The following UVRAG variants were observed in gnomAD, a reference collection of about 807,000 sequenced individuals.
The protein encoded by UVRAG is UV radiation resistance associated.
A neutral mutation model predicts 78.0 loss-of-function variants in UVRAG; 19 were observed. The ratio of observed to expected loss-of-function variants is 0.24; its 90% CI spans 0.17 to 0.36. The LOEUF is 0.36. Ranked by LOEUF, UVRAG falls within the 10% of genes least tolerant of loss-of-function variation. The pLI, the probability that UVRAG is intolerant of heterozygous loss-of-function variation, is 1.00. For synonymous variants in UVRAG, 323 were observed against 324.6 expected (o/e 1.00, Z 0.05); for missense variants, 740 against 853.8 (o/e 0.87, Z 1.66).
chr11:75,961,605 A>G, intron 7 of UVRAG, 56 bp downstream of exon 7: 17 of 1,371,828 alleles, frequency 1.2e-5, no homozygotes, highest in Non-Finnish European at 1.7e-5. Flanking sequence ...GGAGAGTATC[A>G]TATTCTTCTA....
At chr11:76,085,358 G>A (rs577238773) in intron 13 of UVRAG, among the ~76,000 whole-genome samples, 1 of 152,122 alleles carries the variant, frequency 6.6e-6, no homozygotes, top group East Asian at 1.9e-4. Context: ...ATTGTGCTGG[G>A]ATTGTCTGTG....
At chr11:75,869,994 G>A (rs551144536) in intron 3 of UVRAG, among the ~76,000 whole-genome samples, 1 of 152,276 alleles carries the variant, frequency 6.6e-6, no homozygotes, top group South Asian at 2.1e-4. Context: ...CAGTGAATGT[G>A]GTGGTACAGG....
At chr11:75,947,144 T>A (rs1948601441) in intron 6 of UVRAG, among the ~76,000 whole-genome samples, 1 of 152,116 alleles carries the variant, frequency 6.6e-6, no homozygotes, top group Non-Finnish European at 1.5e-5. Context: ...CCAAATATAG[T>A]CACATTAAGG....
intron 12 of UVRAG, among the ~76,000 whole-genome samples, chr11:76,042,080 G>T (rs1168259190): frequency 6.6e-6 from 1 of 152,144 alleles, no homozygotes; most frequent in Non-Finnish European, 1.5e-5. Context: ...AGAGAAACTT[G>T]CTCAAAGGAG....
chr11:75,928,860 T>C lies in UVRAG; in HGVS notation c.593+16821T>C, dbSNP rs1591028792. Among the ~76,000 whole-genome samples the C allele has an allele frequency of 2.3e-5, 3 of 131,242 alleles. No homozygotes were observed. The South Asian group carries it at 7.3e-4, about 32-fold the overall frequency. 86.1% of individuals were successfully genotyped at this position (131,242 alleles called of 152,430 possible). A position where few individuals can be genotyped will look rare whatever the true frequency, so the allele number is the denominator to read the frequency against. On this transcript the variant is annotated intron_variant, in intron 6 of 14. Coordinates refer to ENST00000356136, the MANE Select transcript of UVRAG (RefSeq NM_003369.4). ...GGGAGGCTGAGGCAGGAGAATGACGTGAACCCGGGAAGCAGAGCTTGCAGT... is the reference window on the plus strand; with the variant it reads ...GGGAGGCTGAGGCAGGAGAATGACGCGAACCCGGGAAGCAGAGCTTGCAGT...
intron 9 of UVRAG, among the ~76,000 whole-genome samples, chr11:76,005,539 C>T (rs1435891162): frequency 6.6e-6 from 1 of 152,170 alleles, no homozygotes; most frequent in African/African-American, 2.4e-5. Flanking sequence ...TGTTACACAC[C>T]ACTCAATACA....
At chr11:75,900,026 C>T (rs1040401542) in intron 5 of UVRAG, among the ~76,000 whole-genome samples, 1 of 152,136 alleles carries the variant, frequency 6.6e-6, no homozygotes, top group Non-Finnish European at 1.5e-5. Flanking sequence ...TCATTGAAGC[C>T]AGAGAATAAT....
At chr11:76,028,041 T>C (rs1565126459) in intron 12 of UVRAG, among the ~76,000 whole-genome samples, 1 of 152,162 alleles carries the variant, frequency 6.6e-6, no homozygotes, top group Non-Finnish European at 1.5e-5. Flanking sequence ...CAAGCAAGTC[T>C]GTCAGTGGTA....
chr11:76,007,310 G>T (rs1470314267), intron 9 of UVRAG, among the ~76,000 whole-genome samples: 1 of 152,028 alleles, frequency 6.6e-6, no homozygotes, highest in Non-Finnish European at 1.5e-5. Context: ...TCTTAGCATG[G>T]TACTAATCAC....
intron 5 of UVRAG, among the ~76,000 whole-genome samples, chr11:75,905,196 T>G (rs1947588612): frequency 6.6e-6 from 1 of 152,232 alleles, no homozygotes; most frequent in African/African-American, 2.4e-5. Flanking sequence ...TGGATTTTGT[T>G]GCTGATTTAT....
intron 3 of UVRAG, among the ~76,000 whole-genome samples, chr11:75,868,792 T>C (rs1017033077): frequency 3.9e-5 from 6 of 152,260 alleles, no homozygotes; most frequent in Non-Finnish European, 7.3e-5. Flanking sequence ...AACCCACATC[T>C]GCCTTTAACA....
intron 7 of UVRAG, among the ~76,000 whole-genome samples, chr11:75,978,239 T>C (rs1426002723): frequency 6.6e-6 from 1 of 152,220 alleles, no homozygotes; most frequent in Admixed American, 6.5e-5. Flanking sequence ...AGAGATCCGC[T>C]GTTAGTCTGA....
At chr11:75,874,277 AAACAAC>A (rs569901299) in intron 3 of UVRAG, among the ~76,000 whole-genome samples, 1 of 152,102 alleles carries the variant, frequency 6.6e-6, no homozygotes, top group Non-Finnish European at 1.5e-5. Flanking sequence ...GAGAAAAAAA[AAACAAC>A]AACACACACA....
At chr11:75,919,337 C>T (rs558665418) in intron 6 of UVRAG, among the ~76,000 whole-genome samples, 5 of 152,166 alleles carry the variant, frequency 3.3e-5, no homozygotes, top group Admixed American at 6.5e-5. Flanking sequence ...TGCTAAAACT[C>T]GTGTACTTTC....
At chr11:76,134,981 A>C (rs1031588089) in intron 14 of UVRAG, among the ~76,000 whole-genome samples, 2 of 152,170 alleles carry the variant, frequency 1.3e-5, no homozygotes, top group African/African-American at 4.8e-5. Flanking sequence ...CAGATCAGCC[A>C]TGGTATTAGA....
intron 2 of UVRAG, among the ~76,000 whole-genome samples, chr11:75,860,240 C>T (rs1322624828): frequency 2.0e-5 from 3 of 152,246 alleles, no homozygotes; most frequent in Non-Finnish European, 4.4e-5. Flanking sequence ...CCACCACACC[C>T]AGCCCCCAAG....
At chr11:75,887,891 T>G (rs1258485700) in intron 4 of UVRAG, among the ~76,000 whole-genome samples, 1 of 149,098 alleles carries the variant, frequency 6.7e-6, no homozygotes, top group Non-Finnish European at 1.5e-5. Flanking sequence ...AGTTCCTTAA[T>G]TTTTAAAGTT....
At chr11:75,825,602 A>G (rs1442016834) in intron 1 of UVRAG, among the ~76,000 whole-genome samples, 8 of 152,224 alleles carry the variant, frequency 5.3e-5, no homozygotes, top group African/African-American at 1.9e-4. Flanking sequence ...AGATGGAAAC[A>G]TGAATTTTGA....
intron 8 of UVRAG, among the ~76,000 whole-genome samples, chr11:76,003,257 A>ATTTTTTTTTTTTTTTTTTTTT (rs398045280): frequency 5.6e-5 from 3 of 53,786 alleles, no homozygotes; most frequent in African/African-American, 2.3e-4. Context: ...GAAAATACTG[A>ATTTTTTTTTTTTTTTTTTTTT]TTTTTTTTTT....
Sources: gnomAD v4.1 joint callset for allele counts (sites outside exome capture counted in the v4.1 genomes callset) on GRCh38, gnomAD v4.1.1 for gene constraint, MANE v1.5 for transcripts, NCBI Gene and HGNC (gene_info 2026-07-23, HGNC 2026-07-21) for gene names.